Variants in CDH1 observed in about 807,000 individuals in gnomAD.
CDH1 encodes cadherin 1, also known as cadherin-1.
Under a neutral mutation model 84.5 loss-of-function variants are expected in CDH1, and 35 were observed. The observed-to-expected ratio is 0.41, with a 90% confidence interval of 0.32 to 0.55. CDH1 has a LOEUF of 0.55. Ranked by LOEUF, CDH1 falls within the 20% of genes least tolerant of loss-of-function variation. CDH1 has a pLI of 0.19. For synonymous variants in CDH1, 417 were observed against 439.0 expected (o/e 0.95, Z 0.63); for missense variants, 994 against 1,126.6 (o/e 0.88, Z 1.68).
chr16:68,805,481 A>T (rs1365997236), intron 3 of CDH1, among the ~76,000 whole-genome samples: 1 of 152,146 alleles, frequency 6.6e-6, no homozygotes, highest in Non-Finnish European at 1.5e-5. Context: ...TCAGCAAGGC[A>T]TGCATGTTCC....
intron 2 of CDH1, among the ~76,000 whole-genome samples, chr16:68,780,782 G>A (rs940256731): frequency 2.0e-5 from 3 of 152,190 alleles, no homozygotes; most frequent in African/African-American, 4.8e-5. Context: ...CCTCCAGGGT[G>A]TTGGCTGAGC....
intron 2 of CDH1, among the ~76,000 whole-genome samples, chr16:68,770,053 C>T (rs1293516357): frequency 1.3e-5 from 2 of 151,306 alleles, no homozygotes; most frequent in African/African-American, 4.9e-5. Flanking sequence ...TTTTCAGGTC[C>T]AAGTCTATCT....
chr16:68,796,882 A>T (rs966951106), intron 2 of CDH1, among the ~76,000 whole-genome samples: 1 of 152,180 alleles, frequency 6.6e-6, no homozygotes, highest in Admixed American at 6.5e-5. Flanking sequence ...TTGTATCTGT[A>T]ATCCCAGCAC....
At chr16:68,750,152 T>TTTTTTTTTTTTTTTTTTTTTTTTTG in intron 2 of CDH1, among the ~76,000 whole-genome samples, 1 of 147,002 alleles carries the variant, frequency 6.8e-6, no homozygotes, top group Non-Finnish European at 1.5e-5. Context: ...GAATTCAGCT[T>TTTTTTTTTTTTTTTTTTTTTTTTTG]TTTTTTTTGC....
intron 2 of CDH1, among the ~76,000 whole-genome samples, chr16:68,798,375 G>T (rs968650992): frequency 3.3e-5 from 5 of 152,144 alleles, no homozygotes; most frequent in South Asian, 2.1e-4. Context: ...CAGCGTGACA[G>T]TGAGCTTCCC....
chr16:68,750,338 G>A (rs1597848906), intron 2 of CDH1, among the ~76,000 whole-genome samples: 2 of 152,008 alleles, frequency 1.3e-5, no homozygotes, highest in East Asian at 3.9e-4. Flanking sequence ...GGAGTGTAGG[G>A]ACAGGGAAAC....
intron 2 of CDH1, among the ~76,000 whole-genome samples, chr16:68,779,218 T>A (rs955048684): frequency 6.6e-6 from 1 of 152,206 alleles, no homozygotes; most frequent in East Asian, 1.9e-4. Context: ...GATGCCCCAG[T>A]GGCTTGTCCT....
At chr16:68,791,042 A>G (rs1225931981) in intron 2 of CDH1, among the ~76,000 whole-genome samples, 5 of 152,200 alleles carry the variant, frequency 3.3e-5, no homozygotes, top group African/African-American at 1.2e-4. Flanking sequence ...AACCTTTCTC[A>G]TAGGCCTGTG....
At chr16:68,805,194 G>A (rs1597887838) in intron 3 of CDH1, among the ~76,000 whole-genome samples, 1 of 150,674 alleles carries the variant, frequency 6.6e-6, no homozygotes, top group South Asian at 2.1e-4. Context: ...TTCCTTTTGT[G>A]TTTTTAGTAC....
chr16:68,835,304 G>A lies in CDH1; in HGVS notation c.*1805G>A, dbSNP rs1961607439. ...GCTTTACTGTTTCTCAAGTGTTTTG[G>A]AGAAAAAAATCAACCCTGCAATCAC... On this transcript the variant is annotated 3_prime_UTR_variant, in exon 16 of 16. Coordinates refer to ENST00000261769, the MANE Select transcript of CDH1 (RefSeq NM_004360.5). 4.4e-6 allele frequency: 1 copy of A among 225,642 alleles called. No individual in the cohort carries two copies. 14.0% of individuals were successfully genotyped at this position (225,642 alleles called of 1,614,324 possible).
At position 68,737,407 on chromosome 16, in the gene CDH1, C is replaced by G. The variant is rs587782376; in HGVS notation, c.-9C>G. 6.5e-7 allele frequency: 1 copy of G among 1,531,066 alleles called. No homozygotes were observed. Among genetic ancestry groups the G allele is most frequent in the Non-Finnish European group, 8.7e-7 (1 of 1,145,118 alleles). 94.8% of individuals were successfully genotyped at this position (1,531,066 alleles called of 1,614,324 possible). On this transcript the variant is annotated 5_prime_UTR_variant, in exon 1 of 16. Coordinates refer to ENST00000261769, the MANE Select transcript of CDH1 (RefSeq NM_004360.5). ...GGCGCCTGCCCTCGCTCGGCGTCCC[C>G]GGCCAGCCATGGGCCCTTGGAGCCG... is the stretch of plus-strand genomic sequence containing the variant.
intron 2 of CDH1, among the ~76,000 whole-genome samples, chr16:68,752,512 A>G (rs1198350801): frequency 6.6e-6 from 1 of 152,198 alleles, no homozygotes; most frequent in Non-Finnish European, 1.5e-5. Flanking sequence ...GAAGGAATGA[A>G]TGAATGAGAG....
intron 2 of CDH1, among the ~76,000 whole-genome samples, chr16:68,742,258 G>A (rs775455152): frequency 5.9e-5 from 9 of 151,940 alleles, no homozygotes; most frequent in South Asian, 2.1e-4. Flanking sequence ...CCCAAACTTT[G>A]TGGATTAAAT....
chr16:68,773,024 G>T (rs1002939259), intron 2 of CDH1, among the ~76,000 whole-genome samples: 6 of 152,190 alleles, frequency 3.9e-5, no homozygotes, highest in African/African-American at 1.2e-4. Flanking sequence ...TAGACAAAAA[G>T]AATTTTGCTT....
At chr16:68,816,092 A>C (rs1249389296) in intron 10 of CDH1, among the ~76,000 whole-genome samples, 1 of 152,140 alleles carries the variant, frequency 6.6e-6, no homozygotes, top group Non-Finnish European at 1.5e-5. Flanking sequence ...ATCTCTGCCT[A>C]CTGCAGCCTC....
rs986975411 is a variant in CDH1 at position 68,751,890 on chromosome 16, C to T, written c.163+13479C>T. On this transcript the variant is annotated intron_variant, in intron 2 of 15. Transcript: ENST00000261769. ...GACCTCTGCTCACTGCAACCTCAGA[C>T]TCCAGAGTAGCTGGGATTATAGGTG... Among the ~76,000 whole-genome samples, 6 of 151,880 alleles carry T rather than the reference C, an allele frequency of 4.0e-5. No individual in the cohort carries two copies. In the East Asian group the frequency reaches 1.2e-3, roughly 29 times the overall value.
At chr16:68,785,918 T>C (rs761516237) in intron 2 of CDH1, among the ~76,000 whole-genome samples, 4 of 152,220 alleles carry the variant, frequency 2.6e-5, no homozygotes, top group African/African-American at 9.7e-5. Flanking sequence ...CAGTTTCACA[T>C]CGGAAAATGG....
intron 2 of CDH1, among the ~76,000 whole-genome samples, chr16:68,800,099 G>T (rs1960457837): frequency 6.6e-6 from 1 of 151,428 alleles, no homozygotes; most frequent in Non-Finnish European, 1.5e-5. Context: ...TAGCACTTTG[G>T]AAGGCCGAGG....
chr16:68,829,347 G>C (rs144530334), intron 14 of CDH1, among the ~76,000 whole-genome samples: 1 of 152,178 alleles, frequency 6.6e-6, no homozygotes, highest in Non-Finnish European at 1.5e-5. Flanking sequence ...CTCACAAGCT[G>C]GGGTTGGGAG....
Sources: allele counts gnomAD v4.1 joint callset (sites outside exome capture counted in the v4.1 genomes callset), GRCh38; gene constraint gnomAD v4.1.1; transcripts MANE v1.5; gene names NCBI Gene and HGNC (gene_info 2026-07-23, HGNC 2026-07-21).